DNAH9: variants seen among roughly 807,000 people sequenced by gnomAD.
DNAH9 encodes DNAH9 variant protein.
DNAH9 carries 345 observed loss-of-function variants against 471.6 expected under a neutral mutation model. The ratio of observed to expected loss-of-function variants is 0.73; its 90% confidence interval spans 0.67 to 0.80. DNAH9 has a LOEUF of 0.80. Among genes scored for constraint, DNAH9 ranks in the 30% least tolerant of loss-of-function variants. The pLI, the probability that DNAH9 is intolerant of heterozygous loss-of-function variation, is 0.00. For missense variants in DNAH9, 5,407 were observed against 5,609.2 expected, an observed-to-expected ratio of 0.96 and a Z score of 1.15; for synonymous variants, 2,093 against 2,123.6, an observed-to-expected ratio of 0.99 and a Z score of 0.40.
intron 43 of DNAH9, among the ~76,000 whole-genome samples, chr17:11,799,066 C>T (rs1969359550): frequency 6.6e-6 from 1 of 152,174 alleles, no homozygotes; most frequent in African/African-American, 2.4e-5. Flanking sequence ...TCTCGACTCA[C>T]TCTTGGCATC....
At chr17:11,613,705 G>T (rs887661570) in intron 4 of DNAH9, among the ~76,000 whole-genome samples, 7 of 152,208 alleles carry the variant, frequency 4.6e-5, no homozygotes, top group Non-Finnish European at 7.3e-5. Context: ...TTTTCATGTT[G>T]TCTAATTTAG....
intron 38 of DNAH9, among the ~76,000 whole-genome samples, chr17:11,775,655 A>C (rs1013522182): frequency 2.5e-5 from 3 of 119,798 alleles, no homozygotes; most frequent in African/African-American, 1.0e-4. Flanking sequence ...CCCAGGCTGG[A>C]GTGCAGTGGC....
chr17:11,709,645 G>A (rs1011129712), intron 26 of DNAH9, among the ~76,000 whole-genome samples: 5 of 152,120 alleles, frequency 3.3e-5, no homozygotes, highest in African/African-American at 1.2e-4. Flanking sequence ...TAGGTGCGAT[G>A]GTTCAGTCCT....
intron 50 of DNAH9, among the ~76,000 whole-genome samples, chr17:11,857,066 T>C (rs968056332): frequency 6.6e-6 from 1 of 152,076 alleles, no homozygotes; most frequent in Non-Finnish European, 1.5e-5. Flanking sequence ...CCCGATAATT[T>C]TTATATTTTT....
chr17:11,779,611 G>C (rs574545204), intron 38 of DNAH9, among the ~76,000 whole-genome samples: 1 of 152,262 alleles, frequency 6.6e-6, no homozygotes, highest in Non-Finnish European at 1.5e-5. Flanking sequence ...CTTAATTCCA[G>C]GGGTTGATTT....
chr17:11,947,825 A>G (rs981936452), intron 67 of DNAH9, among the ~76,000 whole-genome samples: 3 of 118,556 alleles, frequency 2.5e-5, no homozygotes, highest in African/African-American at 9.9e-5. Context: ...TCTGTTGCCC[A>G]GGCTGGAGTG....
At chr17:11,747,004 C>T (rs375301031) in intron 31 of DNAH9, among the ~76,000 whole-genome samples, 8 of 152,110 alleles carry the variant, frequency 5.3e-5, no homozygotes, top group East Asian at 1.9e-4. Flanking sequence ...AGAAAGCAAT[C>T]AATTCAAATT....
chr17:11,878,439 TA>T (rs1972592544), intron 53 of DNAH9, among the ~76,000 whole-genome samples: 1 of 152,256 alleles, frequency 6.6e-6, no homozygotes. Flanking sequence ...TTTAGTTTTT[TA>T]TTTGATCAGA....
chr17:11,685,801 A>ATTTTT (rs66577382), intron 19 of DNAH9, among the ~76,000 whole-genome samples: 4 of 123,624 alleles, frequency 3.2e-5, no homozygotes, highest in Non-Finnish European at 3.3e-5. Flanking sequence ...GGATACATTA[A>ATTTTT]TTTTTTTTTT....
chr17:11,900,235 A>G (rs1054610627), intron 59 of DNAH9, among the ~76,000 whole-genome samples: 1 of 152,070 alleles, frequency 6.6e-6, no homozygotes, highest in Non-Finnish European at 1.5e-5. Flanking sequence ...ACTTATCTGC[A>G]CCATTGAAGG....
At chr17:11,755,239 T>C (rs1469245217) in intron 33 of DNAH9, among the ~76,000 whole-genome samples, 2 of 152,228 alleles carry the variant, frequency 1.3e-5, no homozygotes, top group Non-Finnish European at 2.9e-5. Context: ...GCAGTATAGT[T>C]TGAAGTCAGG....
intron 48 of DNAH9, among the ~76,000 whole-genome samples, chr17:11,833,795 T>C (rs1207228460): frequency 6.6e-6 from 1 of 152,142 alleles, no homozygotes; most frequent in Non-Finnish European, 1.5e-5. Context: ...AGGTCAGTTT[T>C]TATATATGTT....
chr17:11,628,345 T>C (rs938950404), intron 6 of DNAH9, among the ~76,000 whole-genome samples: 5 of 152,202 alleles, frequency 3.3e-5, no homozygotes, highest in East Asian at 3.9e-4. Flanking sequence ...CCACCTGTCA[T>C]TGGATCTCAA....
intron 45 of DNAH9, among the ~76,000 whole-genome samples, chr17:11,811,658 C>G (rs997845860): frequency 6.6e-6 from 1 of 152,114 alleles, no homozygotes; most frequent in Non-Finnish European, 1.5e-5. Flanking sequence ...ATCTGTCTTA[C>G]CCATCATTGC....
chr17:11,632,379 A>G (rs2073086494), intron 7 of DNAH9, among the ~76,000 whole-genome samples: 1 of 152,214 alleles, frequency 6.6e-6, no homozygotes, highest in Non-Finnish European at 1.5e-5. Context: ...TCATTTCACC[A>G]TCTTGCTGGA....
rs1387545453 is a variant in DNAH9, at chr17:11,769,138, C to T, written c.7361C>T (p.Thr2454Met). 33 of 1,614,108 alleles carry T rather than the reference C, an allele frequency of 2.0e-5. No individual in the cohort carries two copies. Among genetic ancestry groups the T allele is most frequent in the Non-Finnish European group, 2.5e-5 (30 of 1,180,038 alleles). Residue 2454 changes from threonine (T) to methionine (M), a missense_variant, in exon 38 of 69, where the codon ACG (threonine) becomes ATG (methionine). Thr to Met is a moderately conservative substitution (Grantham distance 81, BLOSUM62 -1). Coordinates refer to ENST00000262442, the MANE Select transcript of DNAH9 (RefSeq NM_001372.4). Reference protein sequence around the residue: ...EMPLQACLVHTSETIRVCYFM... With the variant: ...EMPLQACLVHMSETIRVCYFM... ...CCATTCCAGGCGTGTTTGGTGCACACGAGTGAGACCATCCGTGTGTGCTAC... is the reference window on the plus strand; with the variant it reads ...CCATTCCAGGCGTGTTTGGTGCACATGAGTGAGACCATCCGTGTGTGCTAC...
intron 56 of DNAH9, chr17:11,884,200 C>A (rs1393882275): frequency 6.8e-5 from 12 of 177,032 alleles, no homozygotes; most frequent in Non-Finnish European, 1.2e-4. Flanking sequence ...AATGAGAAAA[C>A]CTCAATAACT....
chr17:11,848,742 A>G (rs1431840546), intron 49 of DNAH9, among the ~76,000 whole-genome samples: 5 of 152,158 alleles, frequency 3.3e-5, no homozygotes. Context: ...AATGACTTAC[A>G]TTTTCAGAAA....
At chr17:11,740,527 C>G (rs1363241148) in intron 29 of DNAH9, among the ~76,000 whole-genome samples, 2 of 152,138 alleles carry the variant, frequency 1.3e-5, no homozygotes, top group Non-Finnish European at 1.5e-5. Flanking sequence ...TAATGACCTT[C>G]CAAAGGCCCA....
Sources: allele counts gnomAD v4.1 joint callset (sites outside exome capture counted in the v4.1 genomes callset), GRCh38; gene constraint gnomAD v4.1.1; transcripts MANE v1.5; gene names NCBI Gene and HGNC (gene_info 2026-07-23, HGNC 2026-07-21).